Variants in ADGRB2 observed in about 807,000 individuals in gnomAD.
The protein encoded by ADGRB2 is adhesion G protein-coupled receptor B2, also known as brain-specific angiogenesis inhibitor 2.
In ADGRB2, 47 loss-of-function variants were observed where a neutral mutation model predicts 178.7. The ratio of observed to expected loss-of-function variants is 0.26; its 90% confidence interval spans 0.21 to 0.34. The LOEUF is 0.34. Ranked by LOEUF, ADGRB2 falls within the 10% of genes least tolerant of loss-of-function variation. The probability of loss-of-function intolerance (pLI) is 1.00; values close to 1 mark genes in which losing one functional copy is unlikely to be tolerated. For missense variants in ADGRB2, 1,584 were observed against 2,180.8 expected (o/e 0.73, Z 5.45); for synonymous variants, 870 against 912.4 (o/e 0.95, Z 0.84).
rs1458217619 is a variant in ADGRB2, at chr1:31,738,307, A to C, written c.2665T>G (p.Trp889Gly). The change falls in exon 18 of 33, where the codon TGG becomes GGG. Residue 889 changes from tryptophan to glycine, a missense_variant. Trp to Gly is a radical substitution (Grantham distance 184). Transcript: ENST00000373658. ...YSRADASSGDWDTENCQTLET... is the reference protein window; with the variant it reads ...YSRADASSGDGDTENCQTLET... ...AGGGTCTGGCAATTTTCAGTGTCCC[A>C]GTCTCCTGAGCTGGCATCTCTTGGG... The C allele has an allele frequency of 6.2e-7, 1 of 1,613,684 alleles. No individual in the cohort carries two copies. The highest frequency in any genetic ancestry group is 8.5e-7 in the Non-Finnish European group (1 of 1,179,996).
At position 31,739,835 on chromosome 1, in the gene ADGRB2, A is replaced by G. The variant is rs1035486236; in HGVS notation, c.2167+91T>C. ...AAGGAGAGGGTAGAATGTGGACAGA[A>G]AGATACAAATACGGGGTTAGGTAGA... On this transcript the variant is annotated intron_variant, in intron 14 of 32. Coordinates refer to ENST00000373658, the MANE Select transcript of ADGRB2 (RefSeq NM_001364857.2). 7.6e-6 allele frequency: 10 copies of G among 1,317,896 alleles called. No individual in the cohort carries two copies. In the Admixed American group the frequency reaches 1.2e-4, roughly 15 times the overall value. The allele number at this position is 1,317,896 out of a possible 1,614,324, so 81.6% of individuals were successfully genotyped here. A position where few individuals can be genotyped will look rare whatever the true frequency, so the allele number is the denominator to read the frequency against.
chr1:31,759,527 G>A lies in ADGRB2; in HGVS notation c.-190-2016C>T. The A allele has an allele frequency of 1.6e-6, 1 of 635,542 alleles. No homozygotes were observed. The highest frequency in any genetic ancestry group is 2.9e-6 in the Non-Finnish European group (1 of 348,080). 39.4% of individuals were successfully genotyped at this position (635,542 alleles called of 1,614,324 possible). ...CACAGGCTGGCTTCTCCAGAATGGAGTCACTTTTAACCCAATCCAACCCCC... is the reference window on the plus strand; with the variant it reads ...CACAGGCTGGCTTCTCCAGAATGGAATCACTTTTAACCCAATCCAACCCCC... On this transcript the variant is annotated intron_variant, in intron 1 of 32. Coordinates refer to ENST00000373658, the MANE Select transcript of ADGRB2 (RefSeq NM_001364857.2). This position sits in a 1 kb window ranked among gnomAD's most constrained non-coding sequence, Gnocchi z 4.3.
Position 31,757,070 on chromosome 1 carries a change from C to T in ADGRB2, c.21+131G>A, listed in dbSNP as rs79998046. ...GGTGAAATAAGTAAGGGAAAGGACT[C>T]GCGAGAGTGCCTGGAATCTTGTGAG... is the stretch of plus-strand genomic sequence containing the variant. On this transcript the variant is annotated intron_variant, in intron 3 of 32. Transcript: ENST00000373658. 942 of 1,480,626 alleles carry T rather than the reference C, an allele frequency of 6.4e-4. 9 individuals carry two copies. The African/African-American group carries it at 9.3e-3, about 15-fold the overall frequency. The allele number at this position is 1,480,626 out of a possible 1,614,324, so 91.7% of individuals were successfully genotyped here. A position where few individuals can be genotyped will look rare whatever the true frequency, so the allele number is the denominator to read the frequency against.
Position 31,764,072 on chromosome 1 carries a change from G to C in ADGRB2, c.-379C>G. 1 of 961,768 alleles carries C rather than the reference G, an allele frequency of 1.0e-6. No homozygotes were observed. Among genetic ancestry groups the C allele is most frequent in the Non-Finnish European group, 1.2e-6 (1 of 812,730 alleles). 59.6% of individuals were successfully genotyped at this position (961,768 alleles called of 1,614,324 possible). ...AGGCGCCGCGGAGCAGCGCGGGGCG[G>C]GCGGGCGGGCGGCGCCGGGCCGGGC... On this transcript the variant is annotated 5_prime_UTR_variant, in exon 1 of 33. Transcript: ENST00000373658. The surrounding 1 kb of genome is among the most constrained non-coding windows in gnomAD (Gnocchi z 7.3).
Position 31,740,295 on chromosome 1 carries a change from G to C in ADGRB2, c.1989+52C>G, listed in dbSNP as rs751032798. On this transcript the variant is annotated intron_variant, in intron 12 of 32. Coordinates refer to ENST00000373658, the MANE Select transcript of ADGRB2 (RefSeq NM_001364857.2). The surrounding 1 kb of genome is among the most constrained non-coding windows in gnomAD (Gnocchi z 5.9). Reference sequence around the variant, plus strand: ...ACTCTGCCTAGGGGCCTGGCCTCCCGCTTCAGTTTGGGCCTTCTCCACCCT... The same window carrying C: ...ACTCTGCCTAGGGGCCTGGCCTCCCCCTTCAGTTTGGGCCTTCTCCACCCT... 1.8e-4 allele frequency: 286 copies of C among 1,603,598 alleles called. No individual in the cohort carries two copies. The highest frequency in any genetic ancestry group is 2.4e-4 in the Non-Finnish European group (282 of 1,173,036).
rs770876999 is a variant in ADGRB2, at chr1:31,740,577, T to C, written c.1795-36A>G. 6.5e-7 allele frequency: 1 copy of C among 1,542,870 alleles called. No individual in the cohort carries two copies. Among genetic ancestry groups the C allele is most frequent in the Admixed American group, 2.0e-5 (1 of 51,218 alleles). ...TGAGGGGGCCACAGTCACTGAAGTGTCAGGAGCTGGAACCAGACCCTGGCC... is the reference window on the plus strand; with the variant it reads ...TGAGGGGGCCACAGTCACTGAAGTGCCAGGAGCTGGAACCAGACCCTGGCC... On this transcript the variant is annotated intron_variant, in intron 11 of 32. Coordinates refer to ENST00000373658, the MANE Select transcript of ADGRB2 (RefSeq NM_001364857.2). This position sits in a 1 kb window ranked among gnomAD's most constrained non-coding sequence, Gnocchi z 5.9.
At chr1:31,743,048 G>A (rs1468413046) in intron 6 of ADGRB2, 46 bp from the exon 7 acceptor site, 3 of 1,356,648 alleles carry the variant, frequency 2.2e-6, no homozygotes, top group South Asian at 1.8e-5. Flanking sequence ...CCATGGCCCC[G>A]CCCACCACCG....
intron 1 of ADGRB2, among the ~76,000 whole-genome samples, chr1:31,763,054 T>G (rs1647090724): frequency 6.6e-6 from 1 of 152,118 alleles, no homozygotes. Context: ...GCCCTGGGGC[T>G]GCGGGAGGGT....
At position 31,756,944 on chromosome 1, in the gene ADGRB2, C is replaced by A; in HGVS notation, c.22-129G>T. ...GTCTTTGAAGTGTCACCTGGGTCCACCTGTGTGAACTTAGACAAGGGACTT... is the reference window on the plus strand; with the variant it reads ...GTCTTTGAAGTGTCACCTGGGTCCAACTGTGTGAACTTAGACAAGGGACTT... On this transcript the variant is annotated intron_variant, in intron 3 of 32. Coordinates refer to ENST00000373658, the MANE Select transcript of ADGRB2 (RefSeq NM_001364857.2). This position sits in a 1 kb window ranked among gnomAD's most constrained non-coding sequence, Gnocchi z 8.5. 8.9e-7 allele frequency: 1 copy of A among 1,120,010 alleles called. No homozygotes were observed. The highest frequency in any genetic ancestry group is 2.8e-5 in the Admixed American group (1 of 35,096). The allele number at this position is 1,120,010 out of a possible 1,614,324, so 69.4% of individuals were successfully genotyped here.
chr1:31,735,116 T>G lies in ADGRB2; in HGVS notation c.3452+67A>C. The G allele has an allele frequency of 3.9e-5, 20 of 511,032 alleles. No homozygotes were observed. The highest frequency in any genetic ancestry group is 8.9e-5 in the East Asian group (2 of 22,386). The allele number at this position is 511,032 out of a possible 1,614,324, so 31.7% of individuals were successfully genotyped here. A position where few individuals can be genotyped will look rare whatever the true frequency, so the allele number is the denominator to read the frequency against. ...GATATCCCTCCTCCTCCCCCCACCA[T>G]GGGCACTGCCCCCCCCAATTCCTTT... On this transcript the variant is annotated intron_variant, in intron 25 of 32. Coordinates refer to ENST00000373658, the MANE Select transcript of ADGRB2 (RefSeq NM_001364857.2). The surrounding 1 kb of genome is among the most constrained non-coding windows in gnomAD (Gnocchi z 6.0).
At chr1:31,729,790 C>T (rs1238541296) in intron 29 of ADGRB2, among the ~76,000 whole-genome samples, 1 of 152,248 alleles carries the variant, frequency 6.6e-6, no homozygotes, top group Non-Finnish European at 1.5e-5. Context: ...CAGGTGTCCA[C>T]AGAACAAAAC....
chr1:31,740,895 G>GCACGCACA lies in ADGRB2; in HGVS notation c.1795-355_1795-354insTGTGCGTG, dbSNP rs1645914252. Among the ~76,000 whole-genome samples, 1 of 140,390 alleles carries GCACGCACA rather than the reference G, an allele frequency of 7.1e-6. No homozygotes were observed. Among genetic ancestry groups the GCACGCACA allele is most frequent in the Non-Finnish European group, 1.5e-5 (1 of 64,880 alleles). The allele number at this position is 140,390 out of a possible 152,430, so 92.1% of individuals were successfully genotyped here. ...AATGAGCATGTGTGTGGGCGCGCGC[G>GCACGCACA]CACACACACACACACACACACACAC... On this transcript the variant is annotated intron_variant, in intron 11 of 32. Transcript: ENST00000373658. The surrounding 1 kb of genome is among the most constrained non-coding windows in gnomAD (Gnocchi z 5.9).
intron 4 of ADGRB2, among the ~76,000 whole-genome samples, chr1:31,747,159 T>G (rs1646320089): frequency 6.6e-6 from 1 of 152,084 alleles, no homozygotes; most frequent in South Asian, 2.1e-4. Context: ...TGACTCGTCC[T>G]CCCTTGAAGC....
chr1:31,735,213 A>G lies in ADGRB2; in HGVS notation c.3422T>C (p.Leu1141Pro). Residue 1141 changes from leucine (L) to proline (P), a missense_variant, in exon 25 of 33, where the codon CTG becomes CCG. Physicochemically the swap from Leu to Pro is moderately conservative, Grantham distance 98. Coordinates refer to ENST00000373658, the MANE Select transcript of ADGRB2 (RefSeq NM_001364857.2). The surrounding 1 kb of genome is among the most constrained non-coding windows in gnomAD (Gnocchi z 6.0). ...CSACGAVPSPLLSSASARNAM... is the reference protein window; with the variant it reads ...CSACGAVPSPPLSSASARNAM... ...GTTCCTGGCCGAGGCTGAGCTGAGCAGGGGGCTGGGGACCGCTCCACACGC... is the reference window on the plus strand; with the variant it reads ...GTTCCTGGCCGAGGCTGAGCTGAGCGGGGGGCTGGGGACCGCTCCACACGC... 1.4e-6 allele frequency: 2 copies of G among 1,433,404 alleles called. No individual in the cohort carries two copies. Among genetic ancestry groups the G allele is most frequent in the Non-Finnish European group, 1.8e-6 (2 of 1,087,396 alleles). The allele number at this position is 1,433,404 out of a possible 1,614,324, so 88.8% of individuals were successfully genotyped here.
chr1:31,734,229 C>T (rs977258426), intron 25 of ADGRB2, among the ~76,000 whole-genome samples: 1 of 152,254 alleles, frequency 6.6e-6, no homozygotes, highest in Non-Finnish European at 1.5e-5. Context: ...CCAGGCCCTA[C>T]ACTGAACACT....
chr1:31,727,583 C>T lies in ADGRB2; in HGVS notation c.4595G>A (p.Arg1532His), dbSNP rs372902157. Reference protein sequence around the residue: ...VCTDKPSPGERPSLSQHRRHQ... With the variant: ...VCTDKPSPGEHPSLSQHRRHQ... ...GCGCCGATGTTGGGACAAGCTGGGG[C>T]GCTCCCCAGGGCTGGGCTTATCCTG... Residue 1532 changes from arginine to histidine, a missense_variant, in exon 33 of 33, where the codon CGC becomes CAC. Arg to His is a conservative substitution (Grantham distance 29). Transcript: ENST00000373658. This position sits in a 1 kb window ranked among gnomAD's most constrained non-coding sequence, Gnocchi z 4.4. 117 of 1,555,172 alleles carry T rather than the reference C, an allele frequency of 7.5e-5. No homozygotes were observed. Among genetic ancestry groups the T allele is most frequent in the Non-Finnish European group, 9.2e-5 (106 of 1,157,802 alleles).
At chr1:31,746,681 G>A (rs566647749) in intron 4 of ADGRB2, among the ~76,000 whole-genome samples, 4 of 151,928 alleles carry the variant, frequency 2.6e-5, no homozygotes, top group Non-Finnish European at 4.4e-5. Context: ...CCTCAACATC[G>A]GGAGCCCCCA....
Position 31,755,452 on chromosome 1 carries a change from T to C in ADGRB2, c.838+547A>G, listed in dbSNP as rs763855122. Among the ~76,000 whole-genome samples, 4 of 152,224 alleles carry C rather than the reference T, an allele frequency of 2.6e-5. No homozygotes were observed. Among genetic ancestry groups the C allele is most frequent in the South Asian group, 2.1e-4 (1 of 4,822 alleles). ...CCAAGGCAGCCTGGAAGCTCAGGCC[T>C]CTTCACCCAGGGACACTCTTCCTTG... On this transcript the variant is annotated intron_variant, in intron 4 of 32. Transcript: ENST00000373658. The surrounding 1 kb of genome is among the most constrained non-coding windows in gnomAD (Gnocchi z 5.1).
intron 19 of ADGRB2, 40 bp downstream of exon 19, chr1:31,737,612 C>A (rs764606179): frequency 8.7e-5 from 141 of 1,611,524 alleles, no homozygotes; most frequent in South Asian, 3.1e-4. Flanking sequence ...CTGCGCCTGC[C>A]CCCCCTCCCC....
Sources: gnomAD v4.1 joint callset for allele counts (sites outside exome capture counted in the v4.1 genomes callset) on GRCh38, gnomAD v4.1.1 for gene constraint, Gnocchi (gnomAD v3.1) non-coding constraint, MANE v1.5 for transcripts, NCBI Gene and HGNC (gene_info 2026-07-23, HGNC 2026-07-21) for gene names.